Variants in SMURF2 observed in about 807,000 individuals in gnomAD.
SMURF2 encodes SMAD specific E3 ubiquitin protein ligase 2.
A neutral mutation model predicts 109.6 loss-of-function variants in SMURF2; 48 were observed. The observed-to-expected ratio is 0.44, with a 90% CI of 0.35 to 0.56. SMURF2 has a LOEUF of 0.56. SMURF2 is among the 20% of genes least tolerant of loss of function. The pLI, the probability that SMURF2 is intolerant of heterozygous loss-of-function variation, is 0.01. For missense variants in SMURF2, 575 were observed against 909.0 expected (o/e 0.63, Z 4.72); for synonymous variants, 288 against 317.1 (o/e 0.91, Z 0.97).
At chr17:64,617,699 G>C (rs973863163) in intron 1 of SMURF2, among the ~76,000 whole-genome samples, 1 of 151,980 alleles carries the variant, frequency 6.6e-6, no homozygotes, top group African/African-American at 2.4e-5. Context: ...TGTTGCCCAG[G>C]CTCAAGCAAT....
Position 64,581,802 on chromosome 17 carries a change from G to A in SMURF2, c.570-811C>T, listed in dbSNP as rs964496699. Among the ~76,000 whole-genome samples, 12 of 151,730 alleles carry A rather than the reference G, an allele frequency of 7.9e-5. No individual in the cohort carries two copies. Among genetic ancestry groups the A allele is most frequent in the Admixed American group, 2.6e-4 (4 of 15,204 alleles). On this transcript the variant is annotated intron_variant, in intron 7 of 18. Coordinates refer to ENST00000262435, the MANE Select transcript of SMURF2 (RefSeq NM_022739.4). The surrounding 1 kb of genome is among the most constrained non-coding windows in gnomAD (Gnocchi z 4.3). Reference sequence around the variant, plus strand: ...TCTACTAAAAATACAAAAATTAGCCGGGTGTGGGGGCGGGCGCCTGTAGTC... The same window carrying A: ...TCTACTAAAAATACAAAAATTAGCCAGGTGTGGGGGCGGGCGCCTGTAGTC...
At chr17:64,651,566 T>C (rs1359290482) in intron 1 of SMURF2, among the ~76,000 whole-genome samples, 2 of 136,770 alleles carry the variant, frequency 1.5e-5, no homozygotes, top group African/African-American at 5.7e-5. Context: ...AGCAAGACCC[T>C]ACCTCAGAAA....
chr17:64,648,058 TAAAAAAAAAAAAAAA>T lies in SMURF2; in HGVS notation c.52+13756_52+13770del, dbSNP rs56131846. Reference sequence around the variant, plus strand: ...GGCAACACAGTGAGACCCTATCTCTTAAAAAAAAAAAAAAAAAAAAAAAAAAAAAAAAAACAGGAT... The same window carrying T: ...GGCAACACAGTGAGACCCTATCTCTTAAAAAAAAAAAAAAAAAAACAGGAT... On this transcript the variant is annotated intron_variant, in intron 1 of 18. Coordinates refer to ENST00000262435, the MANE Select transcript of SMURF2 (RefSeq NM_022739.4). Among the ~76,000 whole-genome samples, 31 of 17,686 alleles carry T rather than the reference TAAAAAAAAAAAAAAA, an allele frequency of 1.8e-3. 1 individual carries two copies. The highest frequency in any genetic ancestry group is 0.042 in the Middle Eastern group (1 of 24). The allele number at this position is 17,686 out of a possible 152,430, so 11.6% of individuals were successfully genotyped here. A position where few individuals can be genotyped will look rare whatever the true frequency, so the allele number is the denominator to read the frequency against.
Position 64,598,129 on chromosome 17 carries a change from T to A in SMURF2, c.200+253A>T, listed in dbSNP as rs149179121. On this transcript the variant is annotated intron_variant, in intron 3 of 18. Transcript: ENST00000262435. Reference sequence around the variant, plus strand: ...TGGTGAATTAATACCTTTATTTAATTGAAAAAAGAGGTGGGGGATTGCTCT... The same window carrying A: ...TGGTGAATTAATACCTTTATTTAATAGAAAAAAGAGGTGGGGGATTGCTCT... Among the ~76,000 whole-genome samples the A allele has an allele frequency of 1.7e-3, 264 of 152,288 alleles. 1 individual carries two copies. The highest frequency in any genetic ancestry group is 6.1e-3 in the African/African-American group (252 of 41,548).
At chr17:64,636,539 G>A (rs935373000) in intron 1 of SMURF2, among the ~76,000 whole-genome samples, 3 of 149,240 alleles carry the variant, frequency 2.0e-5, no homozygotes, top group African/African-American at 7.4e-5. Flanking sequence ...GGAGGTGGAG[G>A]TTGAGTGAGA....
intron 1 of SMURF2, among the ~76,000 whole-genome samples, chr17:64,650,605 C>T (rs1409747266): frequency 6.6e-6 from 1 of 151,708 alleles, no homozygotes; most frequent in African/African-American, 2.4e-5. Context: ...CCGAGGTGGG[C>T]GGATCACTTG....
rs1232134783 is a variant in SMURF2 at position 64,544,848 on chromosome 17, G to GA, written c.*999dup. The GA allele has an allele frequency of 2.0e-5, 3 of 152,538 alleles. No individual in the cohort carries two copies. Among genetic ancestry groups the GA allele is most frequent in the Non-Finnish European group, 2.9e-5 (2 of 68,010 alleles). 9.4% of individuals were successfully genotyped at this position (152,538 alleles called of 1,614,324 possible). On this transcript the variant is annotated 3_prime_UTR_variant, in exon 19 of 19. Coordinates refer to ENST00000262435, the MANE Select transcript of SMURF2 (RefSeq NM_022739.4). ...ACGCTTTAGGATGGTTTTGTTAATG[G>GA]AAACTTACACTGTAGTTAAAATACA...
At chr17:64,612,770 C>T (rs1475928833) in intron 1 of SMURF2, among the ~76,000 whole-genome samples, 1 of 151,680 alleles carries the variant, frequency 6.6e-6, no homozygotes, top group Admixed American at 6.6e-5. Context: ...AAAAAAAAAT[C>T]ACAGAATGTT....
chr17:64,561,611 A>C lies in SMURF2; in HGVS notation c.1213-8T>G, dbSNP rs1325852825. The C allele has an allele frequency of 1.2e-6, 2 of 1,601,354 alleles. No individual in the cohort carries two copies. The highest frequency in any genetic ancestry group is 2.2e-5 in the South Asian group (2 of 90,760). On this transcript the variant is annotated splice_region_variant and splice_polypyrimidine_tract_variant and intron_variant, in intron 11 of 18. Transcript: ENST00000262435. ...GACCTGTCGATATGATTCCTGAAAA[A>C]AATAATTTTTAATACCCTATTACTA... is the stretch of plus-strand genomic sequence containing the variant.
At chr17:64,625,466 G>A (rs1306628338) in intron 1 of SMURF2, among the ~76,000 whole-genome samples, 1 of 152,158 alleles carries the variant, frequency 6.6e-6, no homozygotes, top group African/African-American at 2.4e-5. Flanking sequence ...TTGCTATGCA[G>A]ATAAGAACAC....
intron 7 of SMURF2, among the ~76,000 whole-genome samples, chr17:64,582,996 T>C (rs1555686711): frequency 6.6e-6 from 1 of 152,008 alleles, no homozygotes; most frequent in African/African-American, 2.4e-5. Context: ...CCACCTATGT[T>C]CAAGCAATCC....
At chr17:64,650,027 A>G (rs1555693340) in intron 1 of SMURF2, among the ~76,000 whole-genome samples, 1 of 152,110 alleles carries the variant, frequency 6.6e-6, no homozygotes, top group African/African-American at 2.4e-5. Flanking sequence ...ATAAATATAT[A>G]TTAATCATTA....
chr17:64,581,047 T>G lies in SMURF2; in HGVS notation c.570-56A>C. 1 of 1,485,648 alleles carries G rather than the reference T, an allele frequency of 6.7e-7. No individual in the cohort carries two copies. Among genetic ancestry groups the G allele is most frequent in the Non-Finnish European group, 9.4e-7 (1 of 1,066,472 alleles). The allele number at this position is 1,485,648 out of a possible 1,614,324, so 92.0% of individuals were successfully genotyped here. On this transcript the variant is annotated intron_variant, in intron 7 of 18. Transcript: ENST00000262435. The surrounding 1 kb of genome is among the most constrained non-coding windows in gnomAD (Gnocchi z 4.3). ...TCAATTTAGATATCAAAAGTAGAGT[T>G]CTCTAGACAATATATATATACTGCA...
intron 1 of SMURF2, among the ~76,000 whole-genome samples, chr17:64,635,079 C>A (rs1200779752): frequency 6.6e-6 from 1 of 152,090 alleles, no homozygotes; most frequent in Non-Finnish European, 1.5e-5. Context: ...GTAATCTCAG[C>A]ACTTTGGGAG....
At chr17:64,642,354 T>C (rs1326553466) in intron 1 of SMURF2, among the ~76,000 whole-genome samples, 2 of 152,214 alleles carry the variant, frequency 1.3e-5, no homozygotes, top group African/African-American at 4.8e-5. Flanking sequence ...TTTACCTGCA[T>C]CATGATTCTT....
intron 10 of SMURF2, among the ~76,000 whole-genome samples, chr17:64,570,440 C>A (rs1969381316): frequency 6.6e-6 from 1 of 152,198 alleles, no homozygotes; most frequent in Non-Finnish European, 1.5e-5. Context: ...TTGAAAAAGA[C>A]ACTTTGCTAC....
intron 10 of SMURF2, among the ~76,000 whole-genome samples, chr17:64,567,838 C>T (rs1470021346): frequency 2.0e-5 from 3 of 150,496 alleles, no homozygotes; most frequent in South Asian, 2.1e-4. Flanking sequence ...TACAGGCACC[C>T]GCCACCACAC....
intron 16 of SMURF2, among the ~76,000 whole-genome samples, chr17:64,549,941 G>A (rs1969017768): frequency 6.6e-6 from 1 of 152,018 alleles, no homozygotes; most frequent in Non-Finnish European, 1.5e-5. Context: ...CACTGAACAG[G>A]GAGGAGGTTA....
intron 3 of SMURF2, among the ~76,000 whole-genome samples, chr17:64,595,562 G>A (rs1555688034): frequency 6.6e-6 from 1 of 152,186 alleles, no homozygotes; most frequent in East Asian, 1.9e-4. Flanking sequence ...ACCTCTATAG[G>A]TGAATACAAT....
Sources: gnomAD v4.1 joint callset for allele counts (sites outside exome capture counted in the v4.1 genomes callset) on GRCh38, gnomAD v4.1.1 for gene constraint, Gnocchi (gnomAD v3.1) non-coding constraint, MANE v1.5 for transcripts, NCBI Gene and HGNC (gene_info 2026-07-23, HGNC 2026-07-21) for gene names.